OSBPL1A: variants seen among roughly 807,000 people sequenced by gnomAD.
OSBPL1A encodes oxysterol binding protein like 1A, also known as oxysterol-binding protein-related protein 1.
A neutral mutation model predicts 137.1 loss-of-function variants in OSBPL1A; 80 were observed. The observed-to-expected ratio is 0.58, with a 90% CI of 0.49 to 0.70. The LOEUF is 0.70. Ranked by LOEUF, OSBPL1A falls within the 30% of genes least tolerant of loss-of-function variation. The pLI, the probability that OSBPL1A is intolerant of heterozygous loss-of-function variation, is 0.00. For missense variants in OSBPL1A, 970 were observed against 1,129.4 expected (o/e 0.86, Z 2.02); for synonymous variants, 365 against 389.7 (o/e 0.94, Z 0.75).
intron 5 of OSBPL1A, among the ~76,000 whole-genome samples, chr18:24,337,603 C>A (rs367886507): frequency 3.5e-5 from 5 of 144,588 alleles, no homozygotes; most frequent in African/African-American, 1.0e-4. Flanking sequence ...GTATCAAGAA[C>A]AGGGCTGAGG....
chr18:24,211,198 C>T (rs1050830700), intron 17 of OSBPL1A, among the ~76,000 whole-genome samples: 4 of 152,288 alleles, frequency 2.6e-5, no homozygotes, highest in African/African-American at 7.2e-5. Context: ...AACTCCTGAC[C>T]TCAGGCAATC....
chr18:24,397,322 G>A (rs938789253), intron 1 of OSBPL1A, among the ~76,000 whole-genome samples: 2 of 152,236 alleles, frequency 1.3e-5, no homozygotes, highest in African/African-American at 4.8e-5. Context: ...CGAAAGTACC[G>A]AGAAGGCACG....
chr18:24,317,682 T>C (rs1278221815), intron 9 of OSBPL1A, among the ~76,000 whole-genome samples: 1 of 152,188 alleles, frequency 6.6e-6, no homozygotes, highest in Non-Finnish European at 1.5e-5. Context: ...ACAGAAAATA[T>C]ACCAGTTGTG....
chr18:24,234,240 A>G (rs573348056), intron 16 of OSBPL1A, among the ~76,000 whole-genome samples: 112 of 152,204 alleles, frequency 7.4e-4, no homozygotes, highest in African/African-American at 2.3e-3. Context: ...TTTTTGTTTC[A>G]ATGCGCATGA....
At chr18:24,223,932 G>C (rs1419889786) in intron 17 of OSBPL1A, among the ~76,000 whole-genome samples, 1 of 152,144 alleles carries the variant, frequency 6.6e-6, no homozygotes, top group Non-Finnish European at 1.5e-5. Context: ...CAAGTTTACT[G>C]TTAAGTATTT....
intron 19 of OSBPL1A, 67 bp downstream of exon 19, chr18:24,181,078 G>C: frequency 6.5e-7 from 1 of 1,530,726 alleles, no homozygotes; most frequent in African/African-American, 1.4e-5. Flanking sequence ...GTGAACGTGT[G>C]TGTGTTCGGG....
intron 17 of OSBPL1A, among the ~76,000 whole-genome samples, chr18:24,222,695 T>A (rs2087931002): frequency 6.6e-6 from 1 of 152,234 alleles, no homozygotes; most frequent in East Asian, 1.9e-4. Flanking sequence ...AAAAAAGAAA[T>A]TAAAGGTTGA....
intron 5 of OSBPL1A, among the ~76,000 whole-genome samples, chr18:24,340,329 C>G (rs1461994737): frequency 6.6e-6 from 1 of 152,190 alleles, no homozygotes; most frequent in Non-Finnish European, 1.5e-5. Flanking sequence ...CAATGAAGCT[C>G]AACCATCAAG....
At chr18:24,331,825 GCT>G (rs2091084941) in intron 7 of OSBPL1A, among the ~76,000 whole-genome samples, 1 of 152,044 alleles carries the variant, frequency 6.6e-6, no homozygotes, top group Admixed American at 6.6e-5. Context: ...TGCATATCTG[GCT>G]ATTGCTAAAA....
At chr18:24,211,975 A>C (rs750746202) in intron 17 of OSBPL1A, among the ~76,000 whole-genome samples, 4 of 152,110 alleles carry the variant, frequency 2.6e-5, no homozygotes, top group South Asian at 2.1e-4. Context: ...GGTTTTGAGG[A>C]TATTAGGAAG....
intron 4 of OSBPL1A, among the ~76,000 whole-genome samples, chr18:24,364,516 G>C (rs1479853754): frequency 6.6e-6 from 1 of 152,190 alleles, no homozygotes; most frequent in Non-Finnish European, 1.5e-5. Flanking sequence ...AGCTACTCAA[G>C]AGGCTGAGGT....
At chr18:24,164,957 T>C (rs2086110922) in intron 27 of OSBPL1A, 108 bp downstream of exon 27, 1 of 1,090,122 alleles carries the variant, frequency 9.2e-7, no homozygotes, top group African/African-American at 1.6e-5. Flanking sequence ...GCAGGGTTTG[T>C]GTTAGATAGG....
At position 24,390,954 on chromosome 18, in the gene OSBPL1A, G is replaced by T. The variant is rs567470238; in HGVS notation, c.-3+6701C>A. On this transcript the variant is annotated intron_variant, in intron 1 of 27. Coordinates refer to ENST00000319481, the MANE Select transcript of OSBPL1A (RefSeq NM_080597.4). ...GTCTCTACTAAAAACACAAAAATTA[G>T]CCTGGTGTGGCGGTGCGTGCCTGTA... 1.7e-4 allele frequency among the ~76,000 whole-genome samples: 26 copies of T among 151,974 alleles called. No homozygotes were observed. The South Asian group carries it at 5.4e-3, about 32-fold the overall frequency.
intron 20 of OSBPL1A, chr18:24,179,290 C>T (rs749778662): frequency 6.1e-6 from 1 of 163,166 alleles, no homozygotes; most frequent in African/African-American, 2.4e-5. Context: ...GCCACCACAA[C>T]CCAGCTAATA....
At chr18:24,222,527 T>C (rs1266640919) in intron 17 of OSBPL1A, among the ~76,000 whole-genome samples, 2 of 152,134 alleles carry the variant, frequency 1.3e-5, no homozygotes. Context: ...AAGATGGCAA[T>C]AAGCTCTGTA....
At chr18:24,376,068 T>C (rs534825479) in intron 2 of OSBPL1A, among the ~76,000 whole-genome samples, 1 of 152,236 alleles carries the variant, frequency 6.6e-6, no homozygotes, top group East Asian at 1.9e-4. Flanking sequence ...AGTAGCAAGA[T>C]TTATTGCGAA....
chr18:24,265,855 GCTT>G (rs2089557447), intron 15 of OSBPL1A, among the ~76,000 whole-genome samples: 1 of 152,168 alleles, frequency 6.6e-6, no homozygotes, highest in African/African-American at 2.4e-5. Flanking sequence ...CAACCACTGT[GCTT>G]CTTGTTATTC....
At chr18:24,285,024 C>A (rs1340062127) in intron 14 of OSBPL1A, among the ~76,000 whole-genome samples, 3 of 152,134 alleles carry the variant, frequency 2.0e-5, no homozygotes, top group African/African-American at 7.2e-5. Flanking sequence ...CACACCACTG[C>A]ACTTCAGCCT....
In OSBPL1A at chr18:24,368,297, TCC is replaced by T. The variant is rs764812858; in HGVS notation, c.195_196del (p.Asp66SerfsTer13). ...AAGTCATAAATAGACCTTCAACAGA[TCC>T]TGGACCACTTGTCTGTGTCCAAAAT... is the stretch of plus-strand genomic sequence containing the variant. On this transcript the variant is annotated frameshift_variant, in exon 3 of 28. Coordinates refer to ENST00000319481, the MANE Select transcript of OSBPL1A (RefSeq NM_080597.4). LOFTEE classifies it high-confidence loss of function. The T allele has an allele frequency of 6.2e-7, 1 of 1,611,310 alleles. No individual in the cohort carries two copies. Among genetic ancestry groups the T allele is most frequent in the South Asian group, 1.1e-5 (1 of 90,994 alleles).
Sources: gnomAD v4.1 joint callset for allele counts (sites outside exome capture counted in the v4.1 genomes callset) on GRCh38, gnomAD v4.1.1 for gene constraint, MANE v1.5 for transcripts, NCBI Gene and HGNC (gene_info 2026-07-23, HGNC 2026-07-21) for gene names.